The following RIMS2 variants were observed in gnomAD, a reference collection of about 807,000 sequenced individuals.
RIMS2 encodes regulating synaptic membrane exocytosis protein 2.
In RIMS2, 59 loss-of-function variants were observed where a neutral mutation model predicts 174.4. The observed-to-expected ratio is 0.34, with a 90% CI of 0.27 to 0.42. RIMS2 has a LOEUF of 0.42. Ranked by LOEUF, RIMS2 falls within the 10% of genes least tolerant of loss-of-function variation. The pLI is 1.00. For synonymous variants in RIMS2, 606 were observed against 572.5 expected, an observed-to-expected ratio of 1.06 and a Z score of -0.84; for missense variants, 1,620 against 1,666.3, an observed-to-expected ratio of 0.97 and a Z score of 0.48.
intron 3 of RIMS2, among the ~76,000 whole-genome samples, chr8:103,847,806 T>C (rs758734960): frequency 2.6e-5 from 4 of 152,006 alleles, no homozygotes; most frequent in Admixed American, 6.6e-5. Context: ...TTATATACAT[T>C]ATGTTAGGAG....
rs142365859 is a variant in RIMS2 at position 103,562,419 on chromosome 8, A to G, written c.176+61357A>G. On this transcript the variant is annotated intron_variant, in intron 1 of 23. Transcript: ENST00000504942. ...ATGCAAGTCTGAAATCCAACAGGGC[A>G]GTCATTAAACCTTAAAGTTCCAAAA... Among the ~76,000 whole-genome samples the G allele has an allele frequency of 9.9e-4, 151 of 152,362 alleles. 2 individuals carry two copies. In the East Asian group the frequency reaches 0.027, roughly 27 times the overall value.
chr8:103,555,134 C>T lies in RIMS2; in HGVS notation c.176+54072C>T, dbSNP rs983382367. ...ATCTGTACACAAAAGCCCCAAGAAACACAACTTACCAGTATAAAAAACCTG... is the reference window on the plus strand; with the variant it reads ...ATCTGTACACAAAAGCCCCAAGAAATACAACTTACCAGTATAAAAAACCTG... On this transcript the variant is annotated intron_variant, in intron 1 of 23. Coordinates refer to ENST00000504942, the Ensembl canonical transcript of RIMS2. Among the ~76,000 whole-genome samples, 8 of 152,028 alleles carry T rather than the reference C, an allele frequency of 5.3e-5. No homozygotes were observed. The East Asian group carries it at 1.5e-3, about 29-fold the overall frequency.
chr8:103,801,344 G>A (rs905519831), intron 3 of RIMS2, among the ~76,000 whole-genome samples: 1 of 152,070 alleles, frequency 6.6e-6, no homozygotes, highest in Non-Finnish European at 1.5e-5. Flanking sequence ...AGCCATTCAG[G>A]TTACTTATTT....
At chr8:103,779,238 G>A (rs2098356650) in intron 3 of RIMS2, among the ~76,000 whole-genome samples, 1 of 152,106 alleles carries the variant, frequency 6.6e-6, no homozygotes, top group African/African-American at 2.4e-5. Flanking sequence ...CTGTGCAGAA[G>A]CTTTTAAGCT....
chr8:104,225,126 A>G (rs1587812716), intron 19 of RIMS2, among the ~76,000 whole-genome samples: 1 of 152,326 alleles, frequency 6.6e-6, no homozygotes, highest in East Asian at 1.9e-4. Flanking sequence ...TTTAGTACTT[A>G]TTATTAGTCC....
chr8:104,185,812 A>G (rs1022483466), intron 19 of RIMS2, among the ~76,000 whole-genome samples: 2 of 151,692 alleles, frequency 1.3e-5, no homozygotes, highest in Non-Finnish European at 3.0e-5. Flanking sequence ...ACTATGAAAA[A>G]CAGTATGAAG....
In RIMS2 at chr8:103,509,116, T is replaced by C. The variant is rs554076123; in HGVS notation, c.176+8054T>C. ...TAGAAGTGACTATAACTTGGTATAATGGGATGGTAGTAAAAAGGACCAAAA... is the reference window on the plus strand; with the variant it reads ...TAGAAGTGACTATAACTTGGTATAACGGGATGGTAGTAAAAAGGACCAAAA... On this transcript the variant is annotated intron_variant, in intron 1 of 23. Transcript: ENST00000504942. 3.9e-5 allele frequency among the ~76,000 whole-genome samples: 6 copies of C among 152,038 alleles called. No individual in the cohort carries two copies. The South Asian group carries it at 1.2e-3, about 32-fold the overall frequency.
At chr8:104,174,670 C>G (rs2098863234) in intron 19 of RIMS2, among the ~76,000 whole-genome samples, 1 of 152,022 alleles carries the variant, frequency 6.6e-6, no homozygotes, top group Admixed American at 6.6e-5. Context: ...GATTTTACTT[C>G]TTATATGAGG....
At chr8:103,517,325 G>A (rs565939614) in intron 1 of RIMS2, among the ~76,000 whole-genome samples, 6 of 152,206 alleles carry the variant, frequency 3.9e-5, no homozygotes, top group Non-Finnish European at 5.9e-5. Flanking sequence ...ATTTAGACAC[G>A]GACTGTGAAA....
chr8:103,811,730 G>A (rs2098689101), intron 3 of RIMS2, among the ~76,000 whole-genome samples: 3 of 152,220 alleles, frequency 2.0e-5, no homozygotes, highest in African/African-American at 7.2e-5. Flanking sequence ...ACAGGCGTGG[G>A]CCACCACACC....
intron 19 of RIMS2, among the ~76,000 whole-genome samples, chr8:104,080,514 C>G (rs1014209033): frequency 3.3e-5 from 5 of 151,890 alleles, no homozygotes; most frequent in African/African-American, 1.2e-4. Flanking sequence ...ATAACTATGA[C>G]TTAGAGAATA....
intron 2 of RIMS2, among the ~76,000 whole-genome samples, chr8:103,759,533 C>G (rs1217301023): frequency 2.8e-5 from 4 of 142,364 alleles, no homozygotes; most frequent in Admixed American, 7.3e-5. Context: ...CCACTGCACT[C>G]CAGCCTGGGC....
At chr8:103,794,780 G>T (rs1369332150) in intron 3 of RIMS2, among the ~76,000 whole-genome samples, 1 of 152,212 alleles carries the variant, frequency 6.6e-6, no homozygotes, top group Admixed American at 6.5e-5. Context: ...CAAAGGATAT[G>T]AACAGACACT....
chr8:103,592,359 T>C (rs1230384091), intron 1 of RIMS2, among the ~76,000 whole-genome samples: 2 of 151,226 alleles, frequency 1.3e-5, no homozygotes, highest in Non-Finnish European at 3.0e-5. Context: ...GATAGTTTGA[T>C]TTACTAAGTT....
At chr8:103,652,150 A>C (rs1197182318) in intron 1 of RIMS2, 55 bp from the exon 2 acceptor site, 2 of 1,028,974 alleles carry the variant, frequency 1.9e-6, no homozygotes, top group African/African-American at 3.4e-5. Flanking sequence ...CAAATTTGTA[A>C]ATAGAAATCT....
intron 19 of RIMS2, among the ~76,000 whole-genome samples, chr8:104,025,945 A>G (rs917051533): frequency 2.0e-5 from 3 of 152,200 alleles, no homozygotes; most frequent in African/African-American, 7.2e-5. Flanking sequence ...GCTATATCAA[A>G]TAGCCTAGGT....
chr8:103,980,125 ACTC>A (rs1423727640), intron 16 of RIMS2, among the ~76,000 whole-genome samples: 1 of 151,716 alleles, frequency 6.6e-6, no homozygotes, highest in African/African-American at 2.4e-5. Context: ...TGCTAGTACC[ACTC>A]CTCCTCCAAC....
chr8:103,847,195 CAAGTGGAT>C, intron 3 of RIMS2, among the ~76,000 whole-genome samples: 1 of 152,100 alleles, frequency 6.6e-6, no homozygotes. Flanking sequence ...ACAGATTTCC[CAAGTGGAT>C]AACTGGCAGT....
chr8:103,523,481 G>A (rs1229421853), intron 1 of RIMS2, among the ~76,000 whole-genome samples: 1 of 152,074 alleles, frequency 6.6e-6, no homozygotes, highest in Non-Finnish European at 1.5e-5. Flanking sequence ...TCTTGAATAA[G>A]GAAAGTAGAT....
Sources: allele counts gnomAD v4.1 joint callset (sites outside exome capture counted in the v4.1 genomes callset), GRCh38; gene constraint gnomAD v4.1.1; transcripts MANE v1.5; gene names NCBI Gene and HGNC (gene_info 2026-07-23, HGNC 2026-07-21).